Variants in KIFAP3 observed in about 807,000 individuals in gnomAD.
KIFAP3 encodes kinesin-associated protein 3.
Under a neutral mutation model 106.5 loss-of-function variants are expected in KIFAP3, and 68 were observed. The ratio of observed to expected loss-of-function variants is 0.64; its 90% CI spans 0.53 to 0.78. The LOEUF (loss-of-function observed/expected upper bound fraction) is 0.78. Among genes scored for constraint, KIFAP3 ranks in the 30% least tolerant of loss-of-function variants. The probability of loss-of-function intolerance (pLI) is 0.00; values close to 1 mark genes in which losing one functional copy is unlikely to be tolerated. For missense variants in KIFAP3, 780 were observed against 941.8 expected (o/e 0.83, Z 2.25); for synonymous variants, 320 against 311.5 (o/e 1.03, Z -0.29).
chr1:169,955,165 A>T (rs2101847042), intron 18 of KIFAP3, among the ~76,000 whole-genome samples: 1 of 152,284 alleles, frequency 6.6e-6, no homozygotes, highest in East Asian at 1.9e-4. Context: ...AACATTAGCT[A>T]GGTCATACCT....
intron 1 of KIFAP3, among the ~76,000 whole-genome samples, chr1:170,082,113 T>A (rs1031536234): frequency 3.3e-5 from 5 of 152,144 alleles, no homozygotes; most frequent in Non-Finnish European, 1.5e-5. Context: ...AATGAAAACA[T>A]ATGTCCACAA....
At chr1:170,075,498 C>T (rs1446326824), upstream of KIFAP3, among the ~76,000 whole-genome samples, 2 of 152,172 alleles carry the variant, frequency 1.3e-5, no homozygotes, top group African/African-American at 4.8e-5. Flanking sequence ...TTCCCAGTTG[C>T]TTTGAGACGT....
chr1:169,997,195 G>A (rs1436084939), intron 10 of KIFAP3, among the ~76,000 whole-genome samples: 1 of 152,096 alleles, frequency 6.6e-6, no homozygotes, highest in Admixed American at 6.6e-5. Context: ...TAAATTCTGT[G>A]TTTCAGTTTC....
Position 169,977,068 on chromosome 1 carries a change from T to C in KIFAP3, c.1897+1017A>G, listed in dbSNP as rs75900531. Among the ~76,000 whole-genome samples, 599 of 152,274 alleles carry C rather than the reference T, an allele frequency of 3.9e-3. 9 individuals carry two copies. The highest frequency in any genetic ancestry group is 4.1e-3 in the Non-Finnish European group (279 of 68,024). On this transcript the variant is annotated intron_variant, in intron 16 of 19. Coordinates refer to ENST00000361580, the MANE Select transcript of KIFAP3 (RefSeq NM_014970.4). ...TTTTATATTTCTTGTATATTATACT[T>C]GTCTATCTCTCCAACTAAACTATAA...
At chr1:169,948,623 C>T (rs1170355321) in intron 19 of KIFAP3, among the ~76,000 whole-genome samples, 2 of 151,804 alleles carry the variant, frequency 1.3e-5, no homozygotes, top group East Asian at 1.9e-4. Context: ...TATGCTATGG[C>T]CACAGTAATG....
chr1:169,951,094 G>A (rs1331054484), intron 19 of KIFAP3, among the ~76,000 whole-genome samples: 1 of 151,852 alleles, frequency 6.6e-6, no homozygotes, highest in Non-Finnish European at 1.5e-5. Context: ...AGAAGACTAT[G>A]AATCTTTGGC....
chr1:170,003,445 G>C (rs1372220494), intron 10 of KIFAP3, among the ~76,000 whole-genome samples: 3 of 152,184 alleles, frequency 2.0e-5, no homozygotes, highest in African/African-American at 7.2e-5. Context: ...CACACCTACT[G>C]GGGGGTGCCT....
rs1662835427 is a variant in KIFAP3 at position 169,921,731 on chromosome 1, G to A, written c.2324C>T (p.Ala775Val). ...ATCAGGGCGGAATCCATATGCTGTG[G>A]CAGGGCGTCCAAGAATGCCAACTGG... ...GQPVGILGRP[A>V]TAYGFRPDEP... Residue 775 changes from alanine (A) to valine (V), a missense_variant, in exon 20 of 20, where the codon GCC becomes GTC. Ala to Val is a moderately conservative substitution (Grantham distance 64). Transcript: ENST00000361580. 3 of 1,613,808 alleles carry A rather than the reference G, an allele frequency of 1.9e-6. No homozygotes were observed. In the African/African-American group the frequency reaches 4.0e-5, roughly 22 times the overall value.
intron 18 of KIFAP3, 86 bp from the exon 19 acceptor site, chr1:169,954,196 T>A: frequency 2.5e-6 from 2 of 794,226 alleles, no homozygotes; most frequent in Non-Finnish European, 4.3e-6. Flanking sequence ...AAATAACTTG[T>A]ATATTTAATC....
rs769527101 is a variant in KIFAP3, at chr1:170,034,435, T to C, written c.679A>G (p.Ile227Val). 1 of 1,595,532 alleles carries C rather than the reference T, an allele frequency of 6.3e-7. No individual in the cohort carries two copies. The change falls in exon 7 of 20, where the codon ATT becomes GTT. Residue 227 changes from isoleucine to valine, a missense_variant. This residue lies in a region of KIFAP3 where 588 missense variants were observed against 678.9 expected (regional missense o/e 0.87). Transcript: ENST00000361580. ...YKIGALCMNI[I>V]DHELKRHELW... ...TCATGTCTTTTTAACTCATGATCAA[T>C]AATATTCATACACAGAGCTCCAATT...
chr1:170,017,235 G>A (rs1470081118), intron 9 of KIFAP3, among the ~76,000 whole-genome samples: 1 of 141,878 alleles, frequency 7.0e-6, no homozygotes, highest in African/African-American at 2.7e-5. Flanking sequence ...CCAGCCTGGT[G>A]GCAGAGAGAG....
intron 1 of KIFAP3, among the ~76,000 whole-genome samples, chr1:170,062,404 C>T (rs1204400742): frequency 6.6e-6 from 1 of 151,796 alleles, no homozygotes; most frequent in Non-Finnish European, 1.5e-5. Context: ...AAAAAACAGA[C>T]CCAAAGCTTA....
In KIFAP3 at chr1:170,007,360, T is replaced by G. The variant is rs186790036; in HGVS notation, c.1183+9102A>C. Among the ~76,000 whole-genome samples, 229 of 149,704 alleles carry G rather than the reference T, an allele frequency of 1.5e-3. 1 individual carries two copies. Among genetic ancestry groups the G allele is most frequent in the Middle Eastern group, 0.01 (3 of 286 alleles). ...AAGAGAAACAGAAAGAGATAAAGAA[T>G]AGGGAGAGAGGGCATATTAATATAT... On this transcript the variant is annotated intron_variant, in intron 10 of 19. Coordinates refer to ENST00000361580, the MANE Select transcript of KIFAP3 (RefSeq NM_014970.4).
At chr1:169,944,855 T>C (rs1298414342) in intron 19 of KIFAP3, among the ~76,000 whole-genome samples, 1 of 152,104 alleles carries the variant, frequency 6.6e-6, no homozygotes, top group African/African-American at 2.4e-5. Context: ...TGCATGCTGA[T>C]TGGTCCATGG....
intron 1 of KIFAP3, among the ~76,000 whole-genome samples, chr1:170,083,226 TAAAAC>T (rs950621535): frequency 6.6e-6 from 1 of 152,128 alleles, no homozygotes; most frequent in African/African-American, 2.4e-5. Flanking sequence ...GCAGGATAAA[TAAAAC>T]AAATTCATTA....
chr1:170,013,648 C>T (rs1026525656), intron 10 of KIFAP3, among the ~76,000 whole-genome samples: 3 of 152,002 alleles, frequency 2.0e-5, no homozygotes, highest in South Asian at 2.1e-4. Context: ...AGATGGACTA[C>T]GTCCTGTAGG....
At chr1:170,069,209 T>G (rs1473621435) in intron 1 of KIFAP3, among the ~76,000 whole-genome samples, 1 of 152,098 alleles carries the variant, frequency 6.6e-6, no homozygotes, top group Non-Finnish European at 1.5e-5. Flanking sequence ...GTAAGGTGAT[T>G]GAATCAGTAA....
intron 11 of KIFAP3, chr1:169,989,928 T>A (rs1319888289): frequency 3.4e-6 from 3 of 876,400 alleles, no homozygotes; most frequent in Non-Finnish European, 4.9e-6. Context: ...TCAAGTAACA[T>A]GCATTTAATA....
chr1:169,995,471 T>G (rs1317651989), intron 10 of KIFAP3, among the ~76,000 whole-genome samples: 3 of 152,154 alleles, frequency 2.0e-5, no homozygotes, highest in Non-Finnish European at 4.4e-5. Context: ...CTAGTCTTAC[T>G]TAATTTTTAA....
Sources: allele counts gnomAD v4.1 joint callset (sites outside exome capture counted in the v4.1 genomes callset), GRCh38; gene constraint gnomAD v4.1.1; regional missense constraint gnomAD v4.1.1; transcripts MANE v1.5; gene names NCBI Gene and HGNC (gene_info 2026-07-23, HGNC 2026-07-21).